Variants in SLF2 observed in about 807,000 individuals in gnomAD.
SLF2 encodes the protein SMC5/6 complex localization factor 2.
In SLF2, 68 loss-of-function variants were observed where a neutral mutation model predicts 124.3. That is an observed-to-expected ratio of 0.55 (90% confidence interval 0.45 to 0.67). SLF2 has a LOEUF of 0.67. SLF2 is among the 30% of genes least tolerant of loss of function. The pLI is 0.00. For missense variants in SLF2, 1,246 were observed against 1,373.7 expected (o/e 0.91, Z 1.47); for synonymous variants, 480 against 478.8 (o/e 1.00, Z -0.03).
chr10:100,953,220 C>T (rs537028623), intron 17 of SLF2, among the ~76,000 whole-genome samples: 1 of 151,772 alleles, frequency 6.6e-6, no homozygotes, highest in Non-Finnish European at 1.5e-5. Context: ...TGGGGTTTCA[C>T]CATGTTGATC....
At chr10:100,938,846 G>T in intron 11 of SLF2, 110 bp downstream of exon 11, 1 of 1,033,298 alleles carries the variant, frequency 9.7e-7, no homozygotes, top group Non-Finnish European at 1.3e-6. Flanking sequence ...ATCTCTCAAA[G>T]TTGAGATCAA....
chr10:100,954,168 G>C (rs1405714545), intron 17 of SLF2, among the ~76,000 whole-genome samples: 2 of 152,104 alleles, frequency 1.3e-5, no homozygotes, highest in East Asian at 3.9e-4. Flanking sequence ...GAGGCAGGAG[G>C]AACACCTGAG....
At chr10:100,934,842 G>A (rs200304362) in intron 9 of SLF2, among the ~76,000 whole-genome samples, 1 of 150,054 alleles carries the variant, frequency 6.7e-6, no homozygotes, top group Non-Finnish European at 1.5e-5. Flanking sequence ...GGCTGCTCTC[G>A]AACTCCTGAC....
At chr10:100,915,311 A>G (rs1395295543) in intron 1 of SLF2, among the ~76,000 whole-genome samples, 1 of 152,190 alleles carries the variant, frequency 6.6e-6, no homozygotes, top group Non-Finnish European at 1.5e-5. Context: ...GTGACAACTC[A>G]TTCTAATTTC....
intron 1 of SLF2, chr10:100,914,012 A>C: frequency 3.9e-6 from 2 of 516,526 alleles, no homozygotes; most frequent in Non-Finnish European, 5.0e-6. Context: ...AAGCTATGAA[A>C]ACCAAAACGT....
At chr10:100,938,316 C>A (rs141060990) in intron 10 of SLF2, among the ~76,000 whole-genome samples, 10 of 152,070 alleles carry the variant, frequency 6.6e-5, no homozygotes, top group African/African-American at 2.4e-4. Context: ...GGGATTTTAT[C>A]AGTGGTATTT....
intron 5 of SLF2, among the ~76,000 whole-genome samples, chr10:100,925,450 C>T (rs1285942325): frequency 6.6e-6 from 1 of 152,106 alleles, no homozygotes; most frequent in African/African-American, 2.4e-5. Context: ...CTTGCACACC[C>T]CCTGCTTTGG....
At chr10:100,960,963 T>C (rs1392242751) in intron 19 of SLF2, among the ~76,000 whole-genome samples, 2 of 146,958 alleles carry the variant, frequency 1.4e-5, no homozygotes, top group Non-Finnish European at 3.0e-5. Flanking sequence ...TTCTGACTCA[T>C]AGGTCTGGAG....
At chr10:100,961,642 A>G (rs900727172) in intron 19 of SLF2, among the ~76,000 whole-genome samples, 2 of 152,130 alleles carry the variant, frequency 1.3e-5, no homozygotes, top group African/African-American at 4.8e-5. Context: ...AAGCCCCTCC[A>G]TGTGTGCAGT....
chr10:100,917,302 T>C lies in SLF2; in HGVS notation c.915+2T>C. 6.2e-7 allele frequency: 1 copy of C among 1,603,698 alleles called. No homozygotes were observed. Among genetic ancestry groups the C allele is most frequent in the South Asian group, 1.1e-5 (1 of 89,584 alleles). On this transcript the variant is annotated splice_donor_variant, in intron 3 of 19. Coordinates refer to ENST00000238961, the MANE Select transcript of SLF2 (RefSeq NM_018121.4). LOFTEE classifies it high-confidence loss of function. ...GGAAAAAATAATCTGTCAAATGTGGTATGTGTAAGAATTATTGAATTAGCA... is the reference window on the plus strand; with the variant it reads ...GGAAAAAATAATCTGTCAAATGTGGCATGTGTAAGAATTATTGAATTAGCA...
intron 19 of SLF2, 77 bp from the exon 20 acceptor site, chr10:100,961,800 T>G: frequency 8.2e-7 from 1 of 1,212,652 alleles, no homozygotes; most frequent in Non-Finnish European, 1.2e-6. Flanking sequence ...TGTCTGATGA[T>G]TAGTAGTTTT....
chr10:100,953,617 G>A (rs1850265930), intron 17 of SLF2, among the ~76,000 whole-genome samples: 1 of 151,578 alleles, frequency 6.6e-6, no homozygotes, highest in East Asian at 2.0e-4. Context: ...TGTAATCATA[G>A]TATCATTTGC....
At chr10:100,961,801 T>G in intron 19 of SLF2, 76 bp from the exon 20 acceptor site, 2 of 1,227,422 alleles carry the variant, frequency 1.6e-6, no homozygotes, top group South Asian at 3.0e-5. Context: ...GTCTGATGAT[T>G]AGTAGTTTTA....
intron 11 of SLF2, chr10:100,943,772 A>G: frequency 2.9e-6 from 1 of 339,786 alleles, no homozygotes; most frequent in South Asian, 5.6e-5. Context: ...GTTTGCCTTG[A>G]GTCAGGGATA....
chr10:100,925,043 A>G, intron 5 of SLF2, 71 bp downstream of exon 5: 1 of 1,425,800 alleles, frequency 7.0e-7, no homozygotes, highest in Non-Finnish European at 9.4e-7. Flanking sequence ...GGGGTGGATT[A>G]TCGGAACTTA....
chr10:100,933,404 G>A (rs1284172934), intron 9 of SLF2, among the ~76,000 whole-genome samples: 2 of 152,022 alleles, frequency 1.3e-5, no homozygotes, highest in Non-Finnish European at 2.9e-5. Context: ...TTCCAAGTCC[G>A]TTTTCATCGT....
rs772081455 is a variant in SLF2, at chr10:100,917,007, A to G, written c.622A>G (p.Ile208Val). 5.6e-6 allele frequency: 9 copies of G among 1,614,134 alleles called. No individual in the cohort carries two copies. The highest frequency in any genetic ancestry group is 7.6e-6 in the Non-Finnish European group (9 of 1,180,048). ...KKQTTVAEAD[I>V]FNNSSRSLSS... ...GCAGACCACAGTGGCAGAAGCTGAC[A>G]TCTTCAATAACAGCTCCAGAAGCCT... The change falls in exon 3 of 20, where the codon ATC becomes GTC. Residue 208 changes from isoleucine (I) to valine (V), a missense_variant. Transcript: ENST00000238961.
chr10:100,960,995 C>CTACTTTTTTTTTT (rs1411407192), intron 19 of SLF2, among the ~76,000 whole-genome samples: 1 of 54,450 alleles, frequency 1.8e-5, no homozygotes, highest in Non-Finnish European at 3.6e-5. Flanking sequence ...ATATTCTGTA[C>CTACTTTTTTTTTT]TTCTTTTTTT....
intron 9 of SLF2, among the ~76,000 whole-genome samples, chr10:100,934,933 T>G (rs560349448): frequency 4.1e-4 from 63 of 151,980 alleles, no homozygotes; most frequent in African/African-American, 1.5e-3. Flanking sequence ...CCCTTTACAT[T>G]TTAAATTTAA....
Sources: gnomAD v4.1 joint callset for allele counts (sites outside exome capture counted in the v4.1 genomes callset) on GRCh38, gnomAD v4.1.1 for gene constraint, MANE v1.5 for transcripts, NCBI Gene and HGNC (gene_info 2026-07-23, HGNC 2026-07-21) for gene names.